Variants in SPIDR observed in about 807,000 individuals in gnomAD.
SPIDR encodes DNA repair-scaffolding protein.
SPIDR carries 93 observed loss-of-function variants against 104.6 expected under a neutral mutation model. The observed-to-expected ratio is 0.89, with a 90% CI of 0.75 to 1.06. The LOEUF (loss-of-function observed/expected upper bound fraction) is 1.06, where lower values mean the gene tolerates loss of function less well. Ranked by LOEUF, SPIDR falls within the 50% of genes least tolerant of loss-of-function variation. SPIDR has a pLI of 0.00. For synonymous variants in SPIDR, 431 were observed against 416.9 expected (o/e 1.03, Z -0.41); for missense variants, 1,154 against 1,111.2 (o/e 1.04, Z -0.55).
chr8:47,636,183 G>A (rs1056224224), intron 10 of SPIDR, among the ~76,000 whole-genome samples: 3 of 152,084 alleles, frequency 2.0e-5, no homozygotes, highest in Non-Finnish European at 4.4e-5. Flanking sequence ...CTGTTATGAT[G>A]ATCTGTGATC....
At chr8:47,476,979 C>A (rs1253181948) in intron 8 of SPIDR, among the ~76,000 whole-genome samples, 10 of 152,188 alleles carry the variant, frequency 6.6e-5, no homozygotes, top group African/African-American at 2.4e-4. Flanking sequence ...TAAATGAGAA[C>A]AATTTCTGTT....
chr8:47,331,965 C>CT (rs1183447584), intron 5 of SPIDR, among the ~76,000 whole-genome samples: 5,684 of 32,520 alleles, frequency 0.17, 577 homozygotes, highest in East Asian at 0.3. Flanking sequence ...TTTTTTTAAA[C>CT]TTTTTTTTTT....
chr8:47,484,727 G>C (rs1482761492), intron 8 of SPIDR, among the ~76,000 whole-genome samples: 2 of 152,216 alleles, frequency 1.3e-5, no homozygotes, highest in African/African-American at 2.4e-5. Context: ...ACATCATTGG[G>C]ACCAGTAGTA....
intron 11 of SPIDR, among the ~76,000 whole-genome samples, chr8:47,674,505 A>G (rs529335633): frequency 4.4e-4 from 65 of 149,062 alleles, no homozygotes; most frequent in Admixed American, 3.2e-3. Flanking sequence ...AATTAGGGGG[A>G]AAAAAAAAAG....
intron 8 of SPIDR, among the ~76,000 whole-genome samples, chr8:47,448,672 TTATG>T (rs1418518615): frequency 2.0e-5 from 3 of 151,594 alleles, no homozygotes; most frequent in African/African-American, 7.3e-5. Flanking sequence ...GTACCTGTGT[TTATG>T]TGTGTGTGTG....
At chr8:47,720,758 C>CT (rs936241118) in intron 16 of SPIDR, among the ~76,000 whole-genome samples, 24 of 149,508 alleles carry the variant, frequency 1.6e-4, no homozygotes, top group Non-Finnish European at 2.5e-4. Context: ...TCTTTTCATA[C>CT]TTTTTTTTTT....
chr8:47,726,397 C>T (rs758256424), intron 16 of SPIDR, among the ~76,000 whole-genome samples: 1 of 152,206 alleles, frequency 6.6e-6, no homozygotes. Flanking sequence ...TTTCTAGAAA[C>T]TCAGATTTTA....
intron 7 of SPIDR, among the ~76,000 whole-genome samples, chr8:47,435,257 T>TCC (rs2068077542): frequency 6.6e-6 from 1 of 152,090 alleles, no homozygotes; most frequent in Non-Finnish European, 1.5e-5. Flanking sequence ...CAAGCTGTCC[T>TCC]CCCGCCCTGG....
chr8:47,652,133 G>A (rs994141517), intron 10 of SPIDR, among the ~76,000 whole-genome samples: 2 of 152,112 alleles, frequency 1.3e-5, no homozygotes, highest in African/African-American at 4.8e-5. Context: ...AAATAAATAA[G>A]GGTCAGAAAT....
chr8:47,438,323 A>T (rs562615715), intron 7 of SPIDR, among the ~76,000 whole-genome samples: 19 of 152,322 alleles, frequency 1.2e-4, no homozygotes, highest in African/African-American at 4.3e-4. Flanking sequence ...TACAAGTTTT[A>T]AAAATTCTTA....
chr8:47,692,301 G>T (rs776972495), intron 11 of SPIDR, among the ~76,000 whole-genome samples: 1 of 151,848 alleles, frequency 6.6e-6, no homozygotes, highest in Non-Finnish European at 1.5e-5. Context: ...AAGAAACCTT[G>T]TACCTTCAGC....
At chr8:47,702,991 C>T (rs1014052395) in intron 14 of SPIDR, among the ~76,000 whole-genome samples, 4 of 152,210 alleles carry the variant, frequency 2.6e-5, no homozygotes, top group Admixed American at 2.0e-4. Context: ...CACCACGAGT[C>T]GGGGGACAGT....
At chr8:47,287,218 G>A (rs1305766913) in intron 3 of SPIDR, among the ~76,000 whole-genome samples, 1 of 152,130 alleles carries the variant, frequency 6.6e-6, no homozygotes, top group African/African-American at 2.4e-5. Context: ...AAGATCACAT[G>A]CTTCTGAGGC....
chr8:47,636,815 C>CAAA (rs1247296002), intron 10 of SPIDR, among the ~76,000 whole-genome samples: 3 of 109,382 alleles, frequency 2.7e-5, no homozygotes, highest in African/African-American at 1.0e-4. Flanking sequence ...GACCCTATCT[C>CAAA]AAAAAAAAAA....
intron 10 of SPIDR, among the ~76,000 whole-genome samples, chr8:47,604,934 G>A (rs569683596): frequency 6.6e-6 from 1 of 152,284 alleles, no homozygotes; most frequent in South Asian, 2.1e-4. Flanking sequence ...ATCTTTGTAT[G>A]TACATTCATT....
chr8:47,339,679 C>CTTTTT (rs199765975), intron 5 of SPIDR, among the ~76,000 whole-genome samples: 1 of 135,890 alleles, frequency 7.4e-6, no homozygotes, highest in Non-Finnish European at 1.6e-5. Context: ...TGTTTACAAT[C>CTTTTT]TTTTTTTTTT....
At chr8:47,462,691 G>A (rs2074139071) in intron 8 of SPIDR, among the ~76,000 whole-genome samples, 1 of 152,136 alleles carries the variant, frequency 6.6e-6, no homozygotes, top group Non-Finnish European at 1.5e-5. Flanking sequence ...CAAACTAAAT[G>A]CAATGCTAGC....
chr8:47,373,062 A>G (rs1283528697), intron 5 of SPIDR, among the ~76,000 whole-genome samples: 1 of 152,218 alleles, frequency 6.6e-6, no homozygotes, highest in African/African-American at 2.4e-5. Context: ...TCTAACTGGA[A>G]ATTGGAGATA....
intron 16 of SPIDR, among the ~76,000 whole-genome samples, chr8:47,718,290 A>G (rs776126346): frequency 2.0e-5 from 3 of 152,242 alleles, no homozygotes; most frequent in African/African-American, 7.2e-5. Context: ...GTTCCCAACT[A>G]AAAGCAAAGA....
Sources: gnomAD v4.1 joint callset for allele counts (sites outside exome capture counted in the v4.1 genomes callset) on GRCh38, gnomAD v4.1.1 for gene constraint, MANE v1.5 for transcripts, NCBI Gene and HGNC (gene_info 2026-07-23, HGNC 2026-07-21) for gene names.